CACNA1E: variants seen among roughly 807,000 people sequenced by gnomAD.
CACNA1E encodes calcium voltage-gated channel subunit alpha1 E.
In CACNA1E, 40 loss-of-function variants were observed where a neutral mutation model predicts 259.2. The ratio of observed to expected loss-of-function variants is 0.15; its 90% CI spans 0.12 to 0.20. The LOEUF is 0.20. Ranked by LOEUF, CACNA1E falls within the 10% of genes least tolerant of loss-of-function variation. The probability of loss-of-function intolerance (pLI) is 1.00; values close to 1 mark genes in which losing one functional copy is unlikely to be tolerated. For missense variants in CACNA1E, 1,874 were observed against 3,040.1 expected (o/e 0.62, Z 9.02); for synonymous variants, 1,104 against 1,138.5 (o/e 0.97, Z 0.61).
rs60124177 is a variant in CACNA1E at position 181,486,954 on chromosome 1, G to A, written c.266+2944G>A. On this transcript the variant is annotated intron_variant, in intron 1 of 47. Transcript: ENST00000367573. ...GCTGAATCAGAATCTGCATTGTAAT[G>A]AGATCCCTGTGTGATTAATATGCTC... Among the ~76,000 whole-genome samples, 272 of 151,978 alleles carry A rather than the reference G, an allele frequency of 1.8e-3. 2 individuals are homozygous for A. Among genetic ancestry groups the A allele is most frequent in the African/African-American group, 6.3e-3 (262 of 41,440 alleles).
At chr1:181,702,903 C>T (rs1652415911) in intron 7 of CACNA1E, among the ~76,000 whole-genome samples, 2 of 152,140 alleles carry the variant, frequency 1.3e-5, no homozygotes, top group African/African-American at 4.8e-5. Flanking sequence ...GTTTATTATG[C>T]TTATTTATCT....
intron 18 of CACNA1E, among the ~76,000 whole-genome samples, chr1:181,730,206 T>C (rs1655335542): frequency 6.6e-6 from 1 of 152,246 alleles, no homozygotes; most frequent in Admixed American, 6.5e-5. Context: ...TAGCATGTTC[T>C]CCGTGGGTGG....
intron 1 of CACNA1E, among the ~76,000 whole-genome samples, chr1:181,320,730 G>T (rs1201018960): frequency 6.6e-6 from 1 of 152,124 alleles, no homozygotes; most frequent in Non-Finnish European, 1.5e-5. Flanking sequence ...GCTCAGCCGG[G>T]GGGGTGATGG....
intron 2 of CACNA1E, among the ~76,000 whole-genome samples, chr1:181,468,428 C>A (rs1662283912): frequency 6.6e-6 from 1 of 152,172 alleles, no homozygotes; most frequent in Non-Finnish European, 1.5e-5. Flanking sequence ...TGGTGCAGAT[C>A]CTAAGGAGTC....
chr1:181,552,999 T>C (rs1324949255), intron 3 of CACNA1E, among the ~76,000 whole-genome samples: 1 of 152,262 alleles, frequency 6.6e-6, no homozygotes, highest in Non-Finnish European at 1.5e-5. Flanking sequence ...TTTAATTCCA[T>C]ATGAAATTTA....
At chr1:181,706,953 A>G (rs752362963) in intron 7 of CACNA1E, among the ~76,000 whole-genome samples, 2 of 152,230 alleles carry the variant, frequency 1.3e-5, no homozygotes, top group Non-Finnish European at 2.9e-5. Flanking sequence ...TTTTATTTCT[A>G]TAATCTATGG....
At chr1:181,693,828 A>G (rs1651442681) in intron 7 of CACNA1E, among the ~76,000 whole-genome samples, 1 of 152,224 alleles carries the variant, frequency 6.6e-6, no homozygotes, top group Non-Finnish European at 1.5e-5. Context: ...AACTAAGAGA[A>G]GAAATTTAAA....
intron 7 of CACNA1E, among the ~76,000 whole-genome samples, chr1:181,658,751 G>C (rs953021661): frequency 6.6e-6 from 1 of 152,162 alleles, no homozygotes; most frequent in African/African-American, 2.4e-5. Flanking sequence ...TGGCAGCTGG[G>C]AACAGCTGAT....
chr1:181,340,719 G>T (rs1652082099), intron 1 of CACNA1E, among the ~76,000 whole-genome samples: 1 of 151,924 alleles, frequency 6.6e-6, no homozygotes, highest in Non-Finnish European at 1.5e-5. Flanking sequence ...TTATTGTGCT[G>T]ATAGAAACTT....
At chr1:181,509,674 T>G (rs1002391939) in intron 1 of CACNA1E, among the ~76,000 whole-genome samples, 1 of 152,160 alleles carries the variant, frequency 6.6e-6, no homozygotes, top group South Asian at 2.1e-4. Flanking sequence ...ATAGTCCTGT[T>G]TTTGAAAAGG....
At chr1:181,730,517 T>A (rs1025999653) in intron 18 of CACNA1E, among the ~76,000 whole-genome samples, 5 of 152,248 alleles carry the variant, frequency 3.3e-5, no homozygotes, top group Non-Finnish European at 5.9e-5. Context: ...AATACTCTGC[T>A]CTGCCCAGGT....
At position 181,559,541 on chromosome 1, in the gene CACNA1E, G is replaced by A. The variant is rs1265564876; in HGVS notation, c.513-18225G>A. ...TGGAGGAAGAGGAGTAGCCAAAGGA[G>A]AAAAGGATAACTCAGAAGGAAAGGG... On this transcript the variant is annotated intron_variant, in intron 3 of 47. Coordinates refer to ENST00000367573, the MANE Select transcript of CACNA1E (RefSeq NM_001205293.3). Among the ~76,000 whole-genome samples, 3 of 152,214 alleles carry A rather than the reference G, an allele frequency of 2.0e-5. No homozygotes were observed. In the East Asian group the frequency reaches 5.8e-4, roughly 29 times the overall value.
chr1:181,480,348 C>G (rs1663150630), upstream of CACNA1E, among the ~76,000 whole-genome samples: 1 of 152,138 alleles, frequency 6.6e-6, no homozygotes, highest in South Asian at 2.1e-4. Context: ...TTTGGCTGCA[C>G]CCTCCAAGAA....
At chr1:181,334,216 C>A (rs543961108) in intron 1 of CACNA1E, among the ~76,000 whole-genome samples, 3 of 152,304 alleles carry the variant, frequency 2.0e-5, no homozygotes, top group Admixed American at 2.0e-4. Flanking sequence ...TCAGGACACG[C>A]CCTCTCCTCG....
At chr1:181,454,577 G>A (rs1661348316) in intron 2 of CACNA1E, among the ~76,000 whole-genome samples, 1 of 152,188 alleles carries the variant, frequency 6.6e-6, no homozygotes. Flanking sequence ...GAGCATTCAT[G>A]AACTATTGCA....
chr1:181,697,559 C>A (rs1651835308), intron 7 of CACNA1E, among the ~76,000 whole-genome samples: 1 of 152,216 alleles, frequency 6.6e-6, no homozygotes, highest in Non-Finnish European at 1.5e-5. Flanking sequence ...GCTTTTCAAA[C>A]TATCCGTGTC....
intron 25 of CACNA1E, among the ~76,000 whole-genome samples, chr1:181,746,164 G>A (rs967821079): frequency 2.6e-5 from 4 of 152,178 alleles, no homozygotes; most frequent in Admixed American, 1.3e-4. Flanking sequence ...AATGGTAGCC[G>A]CTAAGCAGTG....
At chr1:181,724,335 C>G (rs1299538546) in intron 16 of CACNA1E, 135 bp from the exon 17 acceptor site, 8 of 653,264 alleles carry the variant, frequency 1.2e-5, no homozygotes, top group Non-Finnish European at 2.2e-5. Flanking sequence ...TTCTCACAGC[C>G]CCTGCTTAAG....
At chr1:181,579,364 G>A (rs1232326318) in intron 5 of CACNA1E, 140 bp downstream of exon 5, 1 of 664,284 alleles carries the variant, frequency 1.5e-6, no homozygotes, top group Admixed American at 2.7e-5. Flanking sequence ...CTAGTCAGCA[G>A]CCTTTTGAGG....
Sources: gnomAD v4.1 joint callset for allele counts (sites outside exome capture counted in the v4.1 genomes callset) on GRCh38, gnomAD v4.1.1 for gene constraint, MANE v1.5 for transcripts, NCBI Gene and HGNC (gene_info 2026-07-23, HGNC 2026-07-21) for gene names.